The following SPHKAP variants were observed in gnomAD, a reference collection of about 807,000 sequenced individuals.
SPHKAP encodes SPHK1 interactor, AKAP domain containing, also known as A-kinase anchor protein SPHKAP.
In SPHKAP, 67 loss-of-function variants were observed where a neutral mutation model predicts 137.5. The ratio of observed to expected loss-of-function variants is 0.49; its 90% confidence interval spans 0.40 to 0.60. The LOEUF (loss-of-function observed/expected upper bound fraction) is 0.60, where lower values mean the gene tolerates loss of function less well. SPHKAP is among the 20% of genes least tolerant of loss of function. The probability of loss-of-function intolerance (pLI) is 0.00; values close to 1 mark genes in which losing one functional copy is unlikely to be tolerated. For synonymous variants in SPHKAP, 813 were observed against 785.3 expected (o/e 1.04, Z -0.59); for missense variants, 2,097 against 2,069.3 (o/e 1.01, Z -0.26).
chr2:228,081,031 C>G (rs749554570), intron 3 of SPHKAP, among the ~76,000 whole-genome samples: 30 of 152,152 alleles, frequency 2.0e-4, no homozygotes, highest in Non-Finnish European at 4.1e-4. Context: ...AACTCAGAAC[C>G]CTATTTCACT....
chr2:228,063,267 T>G (rs546020113), intron 3 of SPHKAP, among the ~76,000 whole-genome samples: 1 of 152,258 alleles, frequency 6.6e-6, no homozygotes, highest in East Asian at 1.9e-4. Flanking sequence ...TATTACTGCC[T>G]AATTAATTAT....
At chr2:228,124,346 A>G (rs552368116) in intron 2 of SPHKAP, among the ~76,000 whole-genome samples, 2 of 152,214 alleles carry the variant, frequency 1.3e-5, no homozygotes, top group Admixed American at 1.3e-4. Context: ...ATGTCCAACA[A>G]TGATAGACTG....
intron 3 of SPHKAP, among the ~76,000 whole-genome samples, chr2:228,031,691 G>A (rs1695329059): frequency 1.3e-5 from 2 of 152,218 alleles, no homozygotes; most frequent in Admixed American, 6.5e-5. Flanking sequence ...CGATCAGGCA[G>A]CAGCATTTGC....
In SPHKAP at chr2:228,173,096, A is replaced by T. The variant is rs146582065; in HGVS notation, c.32+8471T>A. 1.1e-3 allele frequency: 1,122 copies of T among 985,174 alleles called. 6 individuals are homozygous for T. The African/African-American group carries it at 0.017, about 15-fold the overall frequency. 61.0% of individuals were successfully genotyped at this position (985,174 alleles called of 1,614,324 possible). A position where few individuals can be genotyped will look rare whatever the true frequency, so the allele number is the denominator to read the frequency against. On this transcript the variant is annotated intron_variant, in intron 1 of 11. Coordinates refer to ENST00000392056, the MANE Select transcript of SPHKAP (RefSeq NM_001142644.2). Reference sequence around the variant, plus strand: ...GGTTTTATGTTCTTGAATAATCTTTAGTTGTTTCAGCTCAGGCACACTGAA... The same window carrying T: ...GGTTTTATGTTCTTGAATAATCTTTTGTTGTTTCAGCTCAGGCACACTGAA...
chr2:228,000,232 C>A (rs1327396784), intron 7 of SPHKAP, among the ~76,000 whole-genome samples: 1 of 152,248 alleles, frequency 6.6e-6, no homozygotes, highest in Admixed American at 6.5e-5. Flanking sequence ...GTAATCCCAG[C>A]ACTTTGGGAG....
At chr2:228,143,823 T>A (rs1005298520) in intron 1 of SPHKAP, among the ~76,000 whole-genome samples, 4 of 152,042 alleles carry the variant, frequency 2.6e-5, no homozygotes, top group African/African-American at 9.7e-5. Flanking sequence ...TCATTTCCGT[T>A]CTTAAGATCT....
At chr2:227,991,452 T>G in intron 9 of SPHKAP, 126 bp from the exon 10 acceptor site, 1 of 1,549,344 alleles carries the variant, frequency 6.5e-7, no homozygotes, top group Non-Finnish European at 8.7e-7. Context: ...ATTGTTTTTG[T>G]AGAGTAGAGT....
intron 3 of SPHKAP, among the ~76,000 whole-genome samples, chr2:228,030,342 C>T (rs547347171): frequency 1.3e-4 from 20 of 151,768 alleles, no homozygotes; most frequent in African/African-American, 2.7e-4. Context: ...GGTGAAACCC[C>T]GTCTCTACTA....
chr2:228,131,921 G>A (rs4479423), intron 2 of SPHKAP, 59 bp downstream of exon 2: 542,730 of 1,561,810 alleles, frequency 0.35, 96,630 homozygotes, highest in East Asian at 0.5. Flanking sequence ...TTAAAATTTC[G>A]AATTAAATGA....
Position 228,017,288 on chromosome 2 carries a change from C to A in SPHKAP, c.3566G>T (p.Ser1189Ile). The A allele has an allele frequency of 1.9e-6, 3 of 1,614,114 alleles. No homozygotes were observed. The highest frequency in any genetic ancestry group is 1.7e-6 in the Non-Finnish European group (2 of 1,180,048). Residue 1189 changes from serine (S) to isoleucine (I), a missense_variant, in exon 7 of 12, where the codon AGC (serine) becomes ATC (isoleucine). Physicochemically the swap from Ser to Ile is moderately radical, Grantham distance 142 (BLOSUM62 -2). Coordinates refer to ENST00000392056, the MANE Select transcript of SPHKAP (RefSeq NM_001142644.2). ...GTACCTGTAGAACTCCTCAGTGATGCTCTCTGTGCTGGACTGCTTAGAGGG... is the reference window on the plus strand; with the variant it reads ...GTACCTGTAGAACTCCTCAGTGATGATCTCTGTGCTGGACTGCTTAGAGGG... ...SCPSKQSSTE[S>I]ITEEFYRYML...
At chr2:228,106,641 G>A (rs1038763487) in intron 3 of SPHKAP, among the ~76,000 whole-genome samples, 4 of 152,134 alleles carry the variant, frequency 2.6e-5, no homozygotes, top group Non-Finnish European at 4.4e-5. Flanking sequence ...ATTCCTTGAC[G>A]ATTTTGGTCA....
At chr2:228,124,404 TA>T (rs1473650254) in intron 2 of SPHKAP, among the ~76,000 whole-genome samples, 2 of 151,890 alleles carry the variant, frequency 1.3e-5, no homozygotes, top group Admixed American at 1.3e-4. Context: ...TATGCAGCCA[TA>T]AAAAATGATG....
intron 3 of SPHKAP, among the ~76,000 whole-genome samples, chr2:228,039,376 TAATAA>T (rs1366779622): frequency 6.6e-6 from 1 of 152,226 alleles, no homozygotes; most frequent in Non-Finnish European, 1.5e-5. Context: ...ATTTTGACTT[TAATAA>T]AATATTCCTC....
intron 3 of SPHKAP, among the ~76,000 whole-genome samples, chr2:228,036,037 C>G (rs1441073338): frequency 6.6e-6 from 1 of 150,624 alleles, no homozygotes. Flanking sequence ...CAAAGGGGAT[C>G]TAATTAAACT....
At chr2:228,151,725 T>C (rs920649836) in intron 1 of SPHKAP, among the ~76,000 whole-genome samples, 2 of 152,136 alleles carry the variant, frequency 1.3e-5, no homozygotes, top group East Asian at 1.9e-4. Context: ...GGCTGGTTAT[T>C]TTTTCTTGTA....
chr2:228,017,572 C>T lies in SPHKAP; in HGVS notation c.3282G>A (p.Arg1094=). 6.2e-7 allele frequency: 1 copy of T among 1,613,706 alleles called. No individual in the cohort carries two copies. ...ESIPEEDSEA[R]AYVNSLGLMS... Reference sequence around the variant, plus strand: ...TTAAGCCCAGGCTGTTGACATAGGCCCTGGCCTCGGAGTCTTCCTCAGGAA... The same window carrying T: ...TTAAGCCCAGGCTGTTGACATAGGCTCTGGCCTCGGAGTCTTCCTCAGGAA... Residue 1094 remains arginine (R), a synonymous_variant, in exon 7 of 12, where the codon AGG becomes AGA. Transcript: ENST00000392056.
intron 2 of SPHKAP, among the ~76,000 whole-genome samples, chr2:228,116,451 C>G (rs1366430481): frequency 6.6e-6 from 1 of 152,132 alleles, no homozygotes; most frequent in African/African-American, 2.4e-5. Context: ...GAATCTTTTG[C>G]AGACATTAGA....
intron 7 of SPHKAP, among the ~76,000 whole-genome samples, chr2:228,006,945 C>G (rs57952743): frequency 8.5e-4 from 130 of 152,280 alleles, no homozygotes; most frequent in African/African-American, 2.9e-3. Context: ...GTCAGTCTTC[C>G]CCTACTGCGG....
Position 228,124,987 on chromosome 2 carries a change from C to T in SPHKAP, c.138+6993G>A, listed in dbSNP as rs531276207. Among the ~76,000 whole-genome samples the T allele has an allele frequency of 5.9e-5, 9 of 152,274 alleles. No homozygotes were observed. In the South Asian group the frequency reaches 8.3e-4, roughly 14 times the overall value. Reference sequence around the variant, plus strand: ...TAAAGGGGGGAATCATGACCAAGAACGCTCTTGAAACTTCATAAAGCTGTT... The same window carrying T: ...TAAAGGGGGGAATCATGACCAAGAATGCTCTTGAAACTTCATAAAGCTGTT... On this transcript the variant is annotated intron_variant, in intron 2 of 11. Transcript: ENST00000392056.
Sources: allele counts gnomAD v4.1 joint callset (sites outside exome capture counted in the v4.1 genomes callset), GRCh38; gene constraint gnomAD v4.1.1; transcripts MANE v1.5; gene names NCBI Gene and HGNC (gene_info 2026-07-23, HGNC 2026-07-21).